VPS28: variants seen among roughly 807,000 people sequenced by gnomAD.
The protein encoded by VPS28 is vacuolar protein sorting-associated protein 28 homolog.
In VPS28, 29 loss-of-function variants were observed where a neutral mutation model predicts 33.7. The observed-to-expected ratio is 0.86, with a 90% CI of 0.64 to 1.17. The LOEUF (loss-of-function observed/expected upper bound fraction) is 1.17. Among genes scored for constraint, VPS28 ranks in the 50% most tolerant of loss-of-function variants. The probability of loss-of-function intolerance (pLI) is 0.00; values close to 1 mark genes in which losing one functional copy is unlikely to be tolerated. For missense variants in VPS28, 247 were observed against 312.2 expected (o/e 0.79, Z 1.57); for synonymous variants, 164 against 116.7 (o/e 1.40, Z -2.61).
intron 1 of VPS28, chr8:144,427,220 A>G (rs1554877087): frequency 9.3e-5 from 28 of 300,936 alleles, no homozygotes; most frequent in Non-Finnish European, 4.5e-5. Flanking sequence ...AATCGCTTGA[A>G]CCCAGGAGGT....
At chr8:144,424,890 C>T (rs782240915) in intron 6 of VPS28, 56 bp downstream of exon 6, 3 of 1,611,250 alleles carry the variant, frequency 1.9e-6, no homozygotes, top group Admixed American at 3.4e-5. Context: ...CCTCTGGCAC[C>T]CCATACCCAT....
chr8:144,423,638 T>G lies in VPS28; in HGVS notation c.*167A>C. ...GCAGGAAGGTCGGAGAGCATCTTTA[T>G]TGTGGGGAGGGGCCCGGCCCCCAAA... On this transcript the variant is annotated 3_prime_UTR_variant, in exon 10 of 10. Coordinates refer to ENST00000292510, the MANE Select transcript of VPS28 (RefSeq NM_016208.4). 4 of 841,330 alleles carry G rather than the reference T, an allele frequency of 4.8e-6. No individual in the cohort carries two copies. Among genetic ancestry groups the G allele is most frequent in the African/African-American group, 1.7e-5 (1 of 59,110 alleles). 52.1% of individuals were successfully genotyped at this position (841,330 alleles called of 1,614,324 possible).
rs375225604 is a variant in VPS28 at position 144,423,822 on chromosome 8, G to A, written c.649C>T (p.Arg217Cys). 6.2e-6 allele frequency: 10 copies of A among 1,613,020 alleles called. No homozygotes were observed. Among genetic ancestry groups the A allele is most frequent in the African/African-American group, 1.3e-5 (1 of 74,952 alleles). ...DLESAYNAFN[R>C]FLHA is the part of the protein sequence containing the mutation. Reference sequence around the variant, plus strand: ...CCCCGGGCTCAGGCATGCAGGAAGCGGTTGAAGGCGTTGTAGGCTGACTCC... The same window carrying A: ...CCCCGGGCTCAGGCATGCAGGAAGCAGTTGAAGGCGTTGTAGGCTGACTCC... The change falls in exon 10 of 10, where the codon CGC becomes TGC. Residue 217 changes from arginine (R) to cysteine (C), a missense_variant. By Grantham distance (180) the Arg-to-Cys change is radical. This residue lies in a region of VPS28 where 95 missense variants were observed against 118.3 expected (regional missense o/e 0.80). Coordinates refer to ENST00000292510, the MANE Select transcript of VPS28 (RefSeq NM_016208.4).
At chr8:144,425,921 C>T in intron 4 of VPS28, 105 bp downstream of exon 4, 2 of 1,481,928 alleles carry the variant, frequency 1.3e-6, no homozygotes, top group Non-Finnish European at 1.8e-6. Flanking sequence ...CCCAGACTGA[C>T]CCTGCGTCCT....
chr8:144,426,664 C>T (rs1822773102), intron 2 of VPS28: 2 of 518,472 alleles, frequency 3.9e-6, no homozygotes, highest in South Asian at 2.3e-5. Context: ...ACAGGGTGCC[C>T]AGGACCCCCA....
At chr8:144,424,355 A>G (rs1822573884) in intron 7 of VPS28, 87 bp from the exon 8 acceptor site, 2 of 1,491,886 alleles carry the variant, frequency 1.3e-6, no homozygotes, top group Admixed American at 2.2e-5. Flanking sequence ...CCTCAGCCAC[A>G]GCTGTCACTT....
Position 144,424,955 on chromosome 8 carries a change from G to A in VPS28, c.291C>T (p.Arg97=). 1.3e-6 allele frequency: 2 copies of A among 1,576,282 alleles called. No homozygotes were observed. The highest frequency in any genetic ancestry group is 2.3e-5 in the East Asian group (1 of 43,014). The change falls in exon 6 of 10, where the codon CGC becomes CGT. Residue 97 remains arginine, a synonymous_variant. Coordinates refer to ENST00000292510, the MANE Select transcript of VPS28 (RefSeq NM_016208.4). ...SEISSIDEFC[R]KFRLDCPLAM... ...AGGACCAGGCACTCACGCGGAACTT[G>A]CGGCAGAATTCGTCAATAGAGCTGA... is the stretch of plus-strand genomic sequence containing the variant.
At position 144,425,682 on chromosome 8, in the gene VPS28, C is replaced by T; in HGVS notation, c.194+1G>A. On this transcript the variant is annotated splice_donor_variant, in intron 5 of 9. Coordinates refer to ENST00000292510, the MANE Select transcript of VPS28 (RefSeq NM_016208.4). LOFTEE classifies it high-confidence loss of function. ...AGACCTCCCAGGACGTGGGCTCTTA[C>T]TCGCTGGGGGAGACACAGTCCTTGA... 6.2e-7 allele frequency: 1 copy of T among 1,613,764 alleles called. No individual in the cohort carries two copies. Among genetic ancestry groups the T allele is most frequent in the Non-Finnish European group, 8.5e-7 (1 of 1,179,852 alleles).
intron 9 of VPS28, 49 bp downstream of exon 9, chr8:144,423,992 G>C: frequency 1.9e-6 from 3 of 1,608,818 alleles, no homozygotes; most frequent in Non-Finnish European, 2.5e-6. Flanking sequence ...GCCTGGCTGG[G>C]AGGGTCTCGG....
chr8:144,424,272 G>T lies in VPS28; in HGVS notation c.403-4C>A. On this transcript the variant is annotated splice_region_variant and splice_polypyrimidine_tract_variant and intron_variant, in intron 7 of 9. Transcript: ENST00000292510. ...TGTCCATGACCGTGATGAAGAGCTG[G>T]GGGCAGGTGTGCACATGAGGCTCGC... The T allele has an allele frequency of 6.2e-7, 1 of 1,600,552 alleles. No individual in the cohort carries two copies. The highest frequency in any genetic ancestry group is 8.5e-7 in the Non-Finnish European group (1 of 1,172,560).
chr8:144,424,323 C>A, intron 7 of VPS28, 55 bp from the exon 8 acceptor site: 1 of 1,536,028 alleles, frequency 6.5e-7, no homozygotes, highest in South Asian at 1.3e-5. Flanking sequence ...GGAGGCCCCA[C>A]GGCTCACGGG....
At chr8:144,425,947 G>C in intron 4 of VPS28, 79 bp downstream of exon 4, 1 of 1,472,314 alleles carries the variant, frequency 6.8e-7, no homozygotes, top group Middle Eastern at 2.4e-4. Context: ...CCCTCAGTTT[G>C]GGGTGGGTCT....
intron 7 of VPS28, 47 bp downstream of exon 7, chr8:144,424,671 G>A (rs140521150): frequency 0.011 from 17,353 of 1,593,026 alleles, 111 homozygotes; most frequent in Non-Finnish European, 0.013. Flanking sequence ...AGCTGCAGCA[G>A]GCAGCCTCGG....
At position 144,423,811 on chromosome 8, in the gene VPS28, A is replaced by T; in HGVS notation, c.660T>A (p.His220Gln). ...SAYNAFNRFL[H>Q]A ...AAGGGCTAGTGCCCCGGGCTCAGGC[A>T]TGCAGGAAGCGGTTGAAGGCGTTGT... Residue 220 changes from histidine to glutamine, a missense_variant, in exon 10 of 10, where the codon CAT becomes CAA. Around this residue, in one of 3 missense-constraint regions of VPS28, gnomAD observed 95 missense variants for 118.3 expected, o/e 0.80. Transcript: ENST00000292510. The T allele has an allele frequency of 6.2e-7, 1 of 1,613,148 alleles. No homozygotes were observed. Among genetic ancestry groups the T allele is most frequent in the Non-Finnish European group, 8.5e-7 (1 of 1,180,034 alleles).
At chr8:144,427,116 A>C (rs1199168051) in intron 1 of VPS28, 137 bp from the exon 2 acceptor site, 6 of 536,352 alleles carry the variant, frequency 1.1e-5, no homozygotes, top group Non-Finnish European at 2.0e-5. Flanking sequence ...CCTGGCCAAC[A>C]TGGTGAAACC....
intron 5 of VPS28, chr8:144,425,259 A>C: frequency 1.7e-6 from 1 of 597,208 alleles, no homozygotes; most frequent in Non-Finnish European, 3.0e-6. Context: ...CCAGGTGGAG[A>C]CCCCGGCCCC....
intron 1 of VPS28, among the ~76,000 whole-genome samples, chr8:144,428,187 T>C (rs1159685191): frequency 6.6e-6 from 1 of 152,022 alleles, no homozygotes; most frequent in East Asian, 1.9e-4. Flanking sequence ...CCGAGGCTGC[T>C]CGGCAGCCGT....
In VPS28 at chr8:144,423,759, A is replaced by C; in HGVS notation, c.*46T>G. 6.2e-7 allele frequency: 1 copy of C among 1,610,820 alleles called. No individual in the cohort carries two copies. The highest frequency in any genetic ancestry group is 2.2e-5 in the East Asian group (1 of 44,848). On this transcript the variant is annotated 3_prime_UTR_variant, in exon 10 of 10. Coordinates refer to ENST00000292510, the MANE Select transcript of VPS28 (RefSeq NM_016208.4). ...TGTGGCGGACAGGGGACCAGGAGCC[A>C]TCGCCTCAGACTCTGCCCTTCTGTG...
rs375530187 is a variant in VPS28 at position 144,424,939 on chromosome 8, C to T, written c.300+7G>A. 5 of 1,589,182 alleles carry T rather than the reference C, an allele frequency of 3.1e-6. No homozygotes were observed. The highest frequency in any genetic ancestry group is 2.3e-5 in the South Asian group (2 of 88,744). On this transcript the variant is annotated splice_region_variant and intron_variant, in intron 6 of 9. Coordinates refer to ENST00000292510, the MANE Select transcript of VPS28 (RefSeq NM_016208.4). Reference sequence around the variant, plus strand: ...GCCCCATGGGGGTGGAAGGACCAGGCACTCACGCGGAACTTGCGGCAGAAT... The same window carrying T: ...GCCCCATGGGGGTGGAAGGACCAGGTACTCACGCGGAACTTGCGGCAGAAT...
Sources: gnomAD v4.1 joint callset for allele counts (sites outside exome capture counted in the v4.1 genomes callset) on GRCh38, gnomAD v4.1.1 for gene constraint, gnomAD v4.1.1 regional missense constraint, MANE v1.5 for transcripts, NCBI Gene and HGNC (gene_info 2026-07-23, HGNC 2026-07-21) for gene names.